Variants in ADCY3 observed in about 807,000 individuals in gnomAD.
The protein encoded by ADCY3 is adenylate cyclase 3, also known as adenylate cyclase type 3.
In ADCY3, 70 loss-of-function variants were observed where a neutral mutation model predicts 119.4. The ratio of observed to expected loss-of-function variants is 0.59; its 90% confidence interval spans 0.48 to 0.72. ADCY3 has a LOEUF of 0.72. Among genes scored for constraint, ADCY3 ranks in the 30% least tolerant of loss-of-function variants. ADCY3 has a pLI of 0.00. For synonymous variants in ADCY3, 672 were observed against 621.4 expected (o/e 1.08, Z -1.21); for missense variants, 1,238 against 1,541.6 (o/e 0.80, Z 3.30).
At chr2:24,823,074 A>G (rs1407940428) in intron 18 of ADCY3, 135 bp downstream of exon 18, 1 of 1,163,268 alleles carries the variant, frequency 8.6e-7, no homozygotes, top group East Asian at 2.6e-5. Flanking sequence ...AGGTGGCTGC[A>G]GAAGTCCATG....
intron 2 of ADCY3, among the ~76,000 whole-genome samples, chr2:24,891,219 C>T (rs1677618874): frequency 6.6e-6 from 1 of 152,158 alleles, no homozygotes; most frequent in Admixed American, 6.5e-5. Context: ...TGTGGCTTCA[C>T]TTTTTGCATT....
intron 3 of ADCY3, among the ~76,000 whole-genome samples, chr2:24,861,508 T>C (rs535414721): frequency 4.6e-5 from 7 of 152,320 alleles, no homozygotes; most frequent in Admixed American, 2.0e-4. Context: ...CAGGTTCTGT[T>C]TCCTCTCATA....
chr2:24,833,324 CTG>C (rs1226385423), intron 11 of ADCY3, among the ~76,000 whole-genome samples: 2 of 152,234 alleles, frequency 1.3e-5, no homozygotes, highest in East Asian at 3.8e-4. Flanking sequence ...TGCCTCCTCA[CTG>C]TGCCTCCAGG....
intron 2 of ADCY3, among the ~76,000 whole-genome samples, chr2:24,914,403 C>T (rs567931551): frequency 2.0e-5 from 3 of 152,186 alleles, no homozygotes; most frequent in East Asian, 3.9e-4. Flanking sequence ...CTCTGGACAG[C>T]GGCTCACACC....
chr2:24,872,799 G>T lies in ADCY3; in HGVS notation c.676-80C>A. Reference sequence around the variant, plus strand: ...AAAGGGGATGGAGAAGGGGATGGAGGAGGTGGGGTGGGTGGTGACCAAAAT... The same window carrying T: ...AAAGGGGATGGAGAAGGGGATGGAGTAGGTGGGGTGGGTGGTGACCAAAAT... On this transcript the variant is annotated intron_variant, in intron 2 of 21. Transcript: ENST00000679454. The surrounding 1 kb of genome is among the most constrained non-coding windows in gnomAD (Gnocchi z 4.4). The T allele has an allele frequency of 6.5e-7, 1 of 1,534,596 alleles. No homozygotes were observed.
intron 2 of ADCY3, among the ~76,000 whole-genome samples, chr2:24,880,680 C>G (rs1286869714): frequency 6.6e-6 from 1 of 152,188 alleles, no homozygotes; most frequent in Non-Finnish European, 1.5e-5. Flanking sequence ...GTTCTTCACT[C>G]CCCCGCAAAA....
chr2:24,905,781 A>G (rs900402096), intron 2 of ADCY3, among the ~76,000 whole-genome samples: 1 of 152,214 alleles, frequency 6.6e-6, no homozygotes, highest in African/African-American at 2.4e-5. Flanking sequence ...ATCCCAGTGA[A>G]AAAGGTATTA....
intron 6 of ADCY3, 125 bp from the exon 7 acceptor site, chr2:24,840,156 T>C: frequency 1.5e-6 from 2 of 1,297,908 alleles, no homozygotes; most frequent in Non-Finnish European, 2.1e-6. Context: ...CCTGGCAAGG[T>C]CCCCACAGCT....
At chr2:24,874,206 G>A (rs77207027) in intron 2 of ADCY3, among the ~76,000 whole-genome samples, 20,211 of 152,144 alleles carry the variant, frequency 0.13, 1,597 homozygotes, top group African/African-American at 0.21. Context: ...GTTGCGTGAC[G>A]AATCAGGAGG....
At chr2:24,894,174 T>C (rs1677997464) in intron 2 of ADCY3, among the ~76,000 whole-genome samples, 1 of 152,190 alleles carries the variant, frequency 6.6e-6, no homozygotes, top group Admixed American at 6.5e-5. Flanking sequence ...GTTCAAATAT[T>C]CTATTACTTT....
At position 24,919,794 on chromosome 2, in the gene ADCY3, GCGC is replaced by G. The variant is rs1664896940; in HGVS notation, c.-312_-310del. ...CCCGCAGAGCCGCGCCGCCCCGGCA[GCGC>G]CTCGGGGCCCGGCCGGAGCGCGATC... On this transcript the variant is annotated 5_prime_UTR_variant, in exon 1 of 22. Transcript: ENST00000679454. The surrounding 1 kb of genome is among the most constrained non-coding windows in gnomAD (Gnocchi z 5.5). 1 of 151,316 alleles carries G rather than the reference GCGC, an allele frequency of 6.6e-6. No individual in the cohort carries two copies. The highest frequency in any genetic ancestry group is 6.6e-5 in the Admixed American group (1 of 15,186). The allele number at this position is 151,316 out of a possible 1,614,324, so 9.4% of individuals were successfully genotyped here.
At chr2:24,862,394 A>G (rs553986049) in intron 3 of ADCY3, among the ~76,000 whole-genome samples, 5 of 151,992 alleles carry the variant, frequency 3.3e-5, no homozygotes, top group African/African-American at 4.8e-5. Context: ...AAAATACAAA[A>G]TATTTGCCGG....
Position 24,841,171 on chromosome 2 carries a change from A to G in ADCY3, c.1196+88T>C. ...CCAGCAGATCCCCCACCCAGGGGCC[A>G]TGGCCAGCGCGGAAGACCTGCTTCT... On this transcript the variant is annotated intron_variant, in intron 6 of 21. Transcript: ENST00000679454. The surrounding 1 kb of genome is among the most constrained non-coding windows in gnomAD (Gnocchi z 5.8). 1.4e-6 allele frequency: 2 copies of G among 1,403,268 alleles called. No individual in the cohort carries two copies. The highest frequency in any genetic ancestry group is 2.6e-4 in the Middle Eastern group (1 of 3,828). 86.9% of individuals were successfully genotyped at this position (1,403,268 alleles called of 1,614,324 possible). A position where few individuals can be genotyped will look rare whatever the true frequency, so the allele number is the denominator to read the frequency against.
intron 3 of ADCY3, among the ~76,000 whole-genome samples, chr2:24,852,542 C>T (rs549577091): frequency 6.6e-6 from 1 of 152,322 alleles, no homozygotes; most frequent in South Asian, 2.1e-4. Flanking sequence ...GAGGAGGGGC[C>T]CACGTGGCAA....
At chr2:24,877,581 A>G (rs1192332898) in intron 2 of ADCY3, among the ~76,000 whole-genome samples, 1 of 152,152 alleles carries the variant, frequency 6.6e-6, no homozygotes, top group East Asian at 1.9e-4. Flanking sequence ...ATCACATCCA[A>G]TCAGGGTGAT....
intron 2 of ADCY3, among the ~76,000 whole-genome samples, chr2:24,890,599 A>G (rs1200115111): frequency 1.3e-5 from 2 of 152,206 alleles, no homozygotes; most frequent in Non-Finnish European, 2.9e-5. Context: ...TGTTTATGAC[A>G]TCATCTTATG....
At chr2:24,895,179 C>T (rs918481929) in intron 2 of ADCY3, among the ~76,000 whole-genome samples, 9 of 152,170 alleles carry the variant, frequency 5.9e-5, no homozygotes, top group Non-Finnish European at 1.0e-4. Flanking sequence ...CAACCTCCTC[C>T]TCATGGGTTC....
Position 24,878,951 on chromosome 2 carries a change from T to C in ADCY3, c.676-6232A>G, listed in dbSNP as rs1477682888. ...CTCGTCGCCTGGAAAGCAAACTCCA[T>C]GCAGCCGGGACACGGGTTGTTTCCC... On this transcript the variant is annotated intron_variant, in intron 2 of 21. Transcript: ENST00000679454. The surrounding 1 kb of genome is among the most constrained non-coding windows in gnomAD (Gnocchi z 4.0). Among the ~76,000 whole-genome samples, 2 of 152,162 alleles carry C rather than the reference T, an allele frequency of 1.3e-5. No individual in the cohort carries two copies. The highest frequency in any genetic ancestry group is 4.8e-5 in the African/African-American group (2 of 41,440).
chr2:24,890,109 T>C (rs972420866), intron 2 of ADCY3, among the ~76,000 whole-genome samples: 2 of 152,202 alleles, frequency 1.3e-5, no homozygotes, highest in Non-Finnish European at 2.9e-5. Context: ...TCCTTTTCAG[T>C]AGGCTAATGT....
Sources: gnomAD v4.1 joint callset for allele counts (sites outside exome capture counted in the v4.1 genomes callset) on GRCh38, gnomAD v4.1.1 for gene constraint, Gnocchi (gnomAD v3.1) non-coding constraint, MANE v1.5 for transcripts, NCBI Gene and HGNC (gene_info 2026-07-23, HGNC 2026-07-21) for gene names.